Variants in PLAAT4 observed in about 807,000 individuals in gnomAD.
PLAAT4 encodes the protein phospholipase A and acyltransferase 4, also known as HRAS-like suppressor 4.
PLAAT4 carries 12 observed loss-of-function variants against 14.1 expected under a neutral mutation model. The observed-to-expected ratio is 0.85, with a 90% CI of 0.54 to 1.37. PLAAT4 has a LOEUF of 1.37. Ranked by LOEUF, PLAAT4 falls within the 40% of genes most tolerant of loss-of-function variation. The pLI, the probability that PLAAT4 is intolerant of heterozygous loss-of-function variation, is 0.00. For synonymous variants in PLAAT4, 77 were observed against 79.8 expected (o/e 0.96, Z 0.19); for missense variants, 163 against 211.7 (o/e 0.77, Z 1.43).
Position 63,544,627 on chromosome 11 carries a change from A to G in PLAAT4, c.125A>G (p.Tyr42Cys). The stretch of plus-strand genomic sequence containing the variant: ...AGAGTGCCTCTGATTGCAGGTGAGT[A>G]CCCCGGGGCTGGCTCCTCCAGTGTC... Reference protein sequence around the residue: ...YVIHLAPPSEYPGAGSSSVFS... With the variant: ...YVIHLAPPSECPGAGSSSVFS... The change falls in exon 3 of 4, where the codon TAC (tyrosine) becomes TGC (cysteine). Residue 42 changes from tyrosine to cysteine, a missense_variant. Transcript: ENST00000255688. 1 of 1,611,284 alleles carries G rather than the reference A, an allele frequency of 6.2e-7. No homozygotes were observed. The highest frequency in any genetic ancestry group is 8.5e-7 in the Non-Finnish European group (1 of 1,177,730).
chr11:63,544,954 C>T (rs1307154619), intron 3 of PLAAT4, 65 bp downstream of exon 3: 5 of 1,606,324 alleles, frequency 3.1e-6, no homozygotes, highest in Admixed American at 3.3e-5. Context: ...GCTGTGCAGC[C>T]AGGCGATCAC....
chr11:63,537,070 T>C (rs1373225119), intron 1 of PLAAT4, among the ~76,000 whole-genome samples, 193 bp downstream of exon 1: 1 of 152,150 alleles, frequency 6.6e-6, no homozygotes. Context: ...CTGGGCAGAG[T>C]CCACCTCCTC....
chr11:63,537,313 C>CA (rs1413804493), intron 1 of PLAAT4, among the ~76,000 whole-genome samples: 8 of 152,210 alleles, frequency 5.3e-5, no homozygotes, highest in Non-Finnish European at 1.2e-4. Flanking sequence ...TCTGTGGCAT[C>CA]ATCCAGCCTT....
intron 1 of PLAAT4, chr11:63,538,467 C>A: frequency 3.2e-6 from 1 of 312,786 alleles, no homozygotes; most frequent in South Asian, 2.4e-5. Flanking sequence ...CTTCCGGAGT[C>A]CACATTGATT....
At chr11:63,543,206 CTG>C (rs1230483827) in intron 2 of PLAAT4, among the ~76,000 whole-genome samples, 12 of 152,198 alleles carry the variant, frequency 7.9e-5, no homozygotes, top group African/African-American at 2.9e-4. Flanking sequence ...CAACCCTGGG[CTG>C]TGTGTGGCCT....
At chr11:63,544,949 G>C (rs2017352230) in intron 3 of PLAAT4, 60 bp downstream of exon 3, 1 of 1,607,394 alleles carries the variant, frequency 6.2e-7, no homozygotes, top group African/African-American at 1.3e-5. Flanking sequence ...ACGGGGCTGT[G>C]CAGCCAGGCG....
At chr11:63,543,980 G>C (rs141608501) in intron 2 of PLAAT4, among the ~76,000 whole-genome samples, 1 of 152,282 alleles carries the variant, frequency 6.6e-6, no homozygotes, top group African/African-American at 2.4e-5. Context: ...CCCAATATTG[G>C]TTTTTAAATT....
rs3781602 is a variant in PLAAT4, at chr11:63,538,859, T to A, written c.10-657T>A. On this transcript the variant is annotated intron_variant, in intron 1 of 3. Coordinates refer to ENST00000255688, the MANE Select transcript of PLAAT4 (RefSeq NM_004585.5). ...CCCTGGGGCTGTGGAGATGGTGCAG[T>A]TATTGTAGGACAAGTTCCCACAGAG... Among the ~76,000 whole-genome samples, 4 of 152,090 alleles carry A rather than the reference T, an allele frequency of 2.6e-5. No homozygotes were observed. The East Asian group carries it at 7.7e-4, about 29-fold the overall frequency.
rs747229433 is a variant in PLAAT4 at position 63,544,838 on chromosome 11, CTG to C, written c.339_340del (p.Cys113Ter). On this transcript the variant is annotated frameshift_variant, in exon 3 of 4. Transcript: ENST00000255688. LOFTEE classifies it low-confidence loss of function (END_TRUNC). ...TGAAGTACAGTATTGTGAGCAGGAA[CTG>C]TGAGCACTTTGTCACCCAGCTGAGA... ...KMKYSIVSRN[C>X]EHFVTQLRYG... 2.8e-5 allele frequency: 46 copies of C among 1,614,116 alleles called. No homozygotes were observed. The highest frequency in any genetic ancestry group is 3.7e-5 in the Non-Finnish European group (44 of 1,180,060).
In PLAAT4 at chr11:63,544,723, A is replaced by G; in HGVS notation, c.221A>G (p.Tyr74Cys). The G allele has an allele frequency of 1.9e-6, 3 of 1,614,220 alleles. No individual in the cohort carries two copies. The highest frequency in any genetic ancestry group is 2.5e-6 in the Non-Finnish European group (3 of 1,180,040). ...GAAGATGTGGTGGGAGGCTGTTGCTATCGGGTCAACAACAGCTTGGACCAT... is the reference window on the plus strand; with the variant it reads ...GAAGATGTGGTGGGAGGCTGTTGCTGTCGGGTCAACAACAGCTTGGACCAT... ...RLEDVVGGCCYRVNNSLDHEY... is the reference protein window; with the variant it reads ...RLEDVVGGCCCRVNNSLDHEY... Residue 74 changes from tyrosine to cysteine, a missense_variant, in exon 3 of 4, where the codon TAT becomes TGT. Physicochemically the swap from Tyr to Cys is radical, Grantham distance 194 (BLOSUM62 -2). Transcript: ENST00000255688.
intron 3 of PLAAT4, chr11:63,545,257 G>A (rs935960666): frequency 1.2e-4 from 59 of 501,484 alleles, no homozygotes; most frequent in Middle Eastern, 5.1e-4. Flanking sequence ...GGCAAGGGAC[G>A]CTCAGGGTCC....
Position 63,546,156 on chromosome 11 carries a change from AG to A in PLAAT4, c.397del (p.Ala133ProfsTer85). On this transcript the variant is annotated frameshift_variant, in exon 4 of 4. Transcript: ENST00000255688. LOFTEE classifies it low-confidence loss of function (END_TRUNC). The part of the protein sequence containing the change: ...YGKSRCKQVE[K>X]AKVEVGVATA... ...AAGCTGCTTGCTTTGCAGGTGGAAAAGGCCAAGGTTGAAGTCGGTGTGGCCA... is the reference window on the plus strand; with the variant it reads ...AAGCTGCTTGCTTTGCAGGTGGAAAAGCCAAGGTTGAAGTCGGTGTGGCCA... The A allele has an allele frequency of 6.2e-7, 1 of 1,613,112 alleles. No individual in the cohort carries two copies. The highest frequency in any genetic ancestry group is 8.5e-7 in the Non-Finnish European group (1 of 1,179,372).
At chr11:63,545,332 C>T (rs1416505707) in intron 3 of PLAAT4, 9 of 289,302 alleles carry the variant, frequency 3.1e-5, no homozygotes, top group South Asian at 8.4e-5. Context: ...CCATCCCTTG[C>T]CCCTTCACAG....
chr11:63,537,019 G>T (rs1382712069), intron 1 of PLAAT4, 142 bp downstream of exon 1: 12 of 1,108,520 alleles, frequency 1.1e-5, no homozygotes, highest in African/African-American at 1.6e-5. Flanking sequence ...AACTGTATTT[G>T]TCTTTTAAAA....
At chr11:63,538,098 G>T (rs537460901) in intron 1 of PLAAT4, among the ~76,000 whole-genome samples, 2 of 152,150 alleles carry the variant, frequency 1.3e-5, no homozygotes, top group Admixed American at 1.3e-4. Context: ...TGGAGGCAGG[G>T]AGAACCAGAT....
rs928770981 is a variant in PLAAT4, at chr11:63,536,817, T to A, written c.-52T>A. ...GAAAGTGAAATTCTCTCCTTCAGCA[T>A]AAAAGCTGATCCACAAACAAGAGGA... On this transcript the variant is annotated 5_prime_UTR_variant, in exon 1 of 4. Transcript: ENST00000255688. The A allele has an allele frequency of 3.8e-6, 6 of 1,594,492 alleles. No homozygotes were observed. Among genetic ancestry groups the A allele is most frequent in the Non-Finnish European group, 4.3e-6 (5 of 1,173,574 alleles).
At chr11:63,540,734 GAGAATTGCTT>G (rs779150565) in intron 2 of PLAAT4, among the ~76,000 whole-genome samples, 3 of 152,196 alleles carry the variant, frequency 2.0e-5, no homozygotes, top group African/African-American at 4.8e-5. Flanking sequence ...GCTGAGGCAG[GAGAATTGCTT>G]GAACCTGGGA....
chr11:63,545,049 TC>T, intron 3 of PLAAT4, 160 bp downstream of exon 3: 1 of 1,009,748 alleles, frequency 9.9e-7, no homozygotes, highest in Non-Finnish European at 1.5e-6. Context: ...CTGCTTCTAA[TC>T]CACAGAGGGT....
At chr11:63,540,651 C>T (rs1026282593) in intron 2 of PLAAT4, among the ~76,000 whole-genome samples, 3 of 152,126 alleles carry the variant, frequency 2.0e-5, no homozygotes, top group East Asian at 3.9e-4. Context: ...CATGGTGAAA[C>T]CCCGTCTCTA....
Sources: allele counts gnomAD v4.1 joint callset (sites outside exome capture counted in the v4.1 genomes callset), GRCh38; gene constraint gnomAD v4.1.1; transcripts MANE v1.5; gene names NCBI Gene and HGNC (gene_info 2026-07-23, HGNC 2026-07-21).